The following ATP11A variants were observed in gnomAD, a reference collection of about 807,000 sequenced individuals.
ATP11A encodes ATPase phospholipid transporting 11A, also known as phospholipid-transporting ATPase IH.
In ATP11A, 81 loss-of-function variants were observed where a neutral mutation model predicts 154.4. The observed-to-expected ratio is 0.52, with a 90% confidence interval of 0.44 to 0.63. The LOEUF (loss-of-function observed/expected upper bound fraction) is 0.63. Ranked by LOEUF, ATP11A falls within the 30% of genes least tolerant of loss-of-function variation. The pLI is 0.00. For synonymous variants in ATP11A, 623 were observed against 585.9 expected, an observed-to-expected ratio of 1.06 and a Z score of -0.91; for missense variants, 1,316 against 1,474.3, an observed-to-expected ratio of 0.89 and a Z score of 1.76.
chr13:112,857,466 C>T (rs2079962545), intron 20 of ATP11A, among the ~76,000 whole-genome samples: 1 of 152,264 alleles, frequency 6.6e-6, no homozygotes, highest in African/African-American at 2.4e-5. Flanking sequence ...AATATATTTT[C>T]CCAGGATTTA....
intron 1 of ATP11A, among the ~76,000 whole-genome samples, chr13:112,713,750 G>A (rs969087149): frequency 6.6e-6 from 1 of 152,130 alleles, no homozygotes; most frequent in African/African-American, 2.4e-5. Flanking sequence ...TGTTGATAAG[G>A]ATAAAATGAA....
intron 4 of ATP11A, among the ~76,000 whole-genome samples, chr13:112,806,887 T>C (rs1005432310): frequency 1.3e-5 from 2 of 152,230 alleles, no homozygotes; most frequent in African/African-American, 2.4e-5. Context: ...TCACGGCTCA[T>C]AGGCGGTGTT....
intron 28 of ATP11A, among the ~76,000 whole-genome samples, chr13:112,876,785 G>A (rs2080740307): frequency 6.6e-6 from 1 of 152,160 alleles, no homozygotes; most frequent in African/African-American, 2.4e-5. Flanking sequence ...GGAGTGAGTG[G>A]GGGCCGGGGC....
intron 1 of ATP11A, among the ~76,000 whole-genome samples, chr13:112,735,751 C>CA (rs1890933886): frequency 6.6e-6 from 1 of 152,218 alleles, no homozygotes; most frequent in Non-Finnish European, 1.5e-5. Flanking sequence ...GAGTTGAACT[C>CA]ACCAGCCATT....
intron 1 of ATP11A, among the ~76,000 whole-genome samples, chr13:112,704,476 C>G (rs369503171): frequency 6.6e-6 from 1 of 152,236 alleles, no homozygotes; most frequent in Non-Finnish European, 1.5e-5. Flanking sequence ...GCTCTGCCCC[C>G]GCGTTGTCTT....
At chr13:112,801,072 A>G (rs1045107732) in intron 2 of ATP11A, among the ~76,000 whole-genome samples, 1 of 151,910 alleles carries the variant, frequency 6.6e-6, no homozygotes, top group African/African-American at 2.4e-5. Flanking sequence ...TCACCCTAAG[A>G]TTGGAAAAAA....
At position 112,696,821 on chromosome 13, in the gene ATP11A, GAC is replaced by G. The variant is rs1885878037; in HGVS notation, c.39+6369_39+6370del. 2 of 152,290 alleles carry G rather than the reference GAC, an allele frequency of 1.3e-5. No individual in the cohort carries two copies. Among genetic ancestry groups the G allele is most frequent in the African/African-American group, 2.4e-5 (1 of 41,440 alleles). 9.4% of individuals were successfully genotyped at this position (152,290 alleles called of 1,614,324 possible). ...TAGCGAGCGCCCCTGTGTGCTCAGA[GAC>G]ACGCCAGTGAGCCGGGAAGGACAGA... On this transcript the variant is annotated intron_variant, in intron 1 of 29. Transcript: ENST00000375645. The surrounding 1 kb of genome is among the most constrained non-coding windows in gnomAD (Gnocchi z 6.2).
rs192145588 is a variant in ATP11A at position 112,760,360 on chromosome 13, G to A, written c.40-24775G>A. 2.2e-3 allele frequency among the ~76,000 whole-genome samples: 329 copies of A among 152,286 alleles called. 1 individual carries two copies. Among genetic ancestry groups the A allele is most frequent in the Non-Finnish European group, 3.4e-3 (232 of 68,026 alleles). On this transcript the variant is annotated intron_variant, in intron 1 of 29. Coordinates refer to ENST00000375645, the MANE Select transcript of ATP11A (RefSeq NM_015205.3). ...CGAGTCCAGTGTGGGTGGCAGAGAC[G>A]CATCCAGAAGCCCCCAGTAAGTTTA... is the stretch of plus-strand genomic sequence containing the variant.
intron 2 of ATP11A, among the ~76,000 whole-genome samples, chr13:112,802,233 T>C (rs1388811916): frequency 6.6e-6 from 1 of 151,670 alleles, no homozygotes; most frequent in Non-Finnish European, 1.5e-5. Flanking sequence ...GTAGTCCCAA[T>C]TACTCAGGAG....
intron 18 of ATP11A, among the ~76,000 whole-genome samples, chr13:112,852,452 C>T (rs892706690): frequency 3.9e-5 from 6 of 152,206 alleles, no homozygotes; most frequent in Admixed American, 3.9e-4. Context: ...CCTGTTCAGT[C>T]CAGAGTAAGT....
At chr13:112,723,024 A>G (rs1444472895) in intron 1 of ATP11A, among the ~76,000 whole-genome samples, 2 of 152,086 alleles carry the variant, frequency 1.3e-5, no homozygotes, top group African/African-American at 4.8e-5. Flanking sequence ...AGTCAACAGA[A>G]AGGAATGTTT....
At chr13:112,723,293 T>TCCCCC (rs1315332766) in intron 1 of ATP11A, among the ~76,000 whole-genome samples, 1 of 18,892 alleles carries the variant, frequency 5.3e-5, no homozygotes, top group Non-Finnish European at 1.0e-4. Flanking sequence ...GTTCCCCACC[T>TCCCCC]CCCCCCGCCC....
chr13:112,850,489 T>G (rs1181088080), intron 17 of ATP11A, among the ~76,000 whole-genome samples: 12 of 152,240 alleles, frequency 7.9e-5, no homozygotes, highest in Admixed American at 7.9e-4. Flanking sequence ...ATGATCACAG[T>G]AAGGAATTTG....
intron 18 of ATP11A, 99 bp downstream of exon 18, chr13:112,851,317 G>T (rs905805591): frequency 1.2e-5 from 15 of 1,225,968 alleles, no homozygotes; most frequent in Non-Finnish European, 1.5e-5. Flanking sequence ...GAGGCCATCC[G>T]CACAGCCGAC....
Position 112,883,486 on chromosome 13 carries a change from G to T in ATP11A, c.*1620G>T. 2 of 331,202 alleles carry T rather than the reference G, an allele frequency of 6.0e-6. No individual in the cohort carries two copies. The highest frequency in any genetic ancestry group is 1.1e-5 in the Non-Finnish European group (2 of 183,806). The allele number at this position is 331,202 out of a possible 1,614,324, so 20.5% of individuals were successfully genotyped here. ...GGCTCCGGCAAGTGAAACCCAGAGG[G>T]TGTTTCCGAGGTGCTCGACAGTAGG... On this transcript the variant is annotated 3_prime_UTR_variant, in exon 30 of 30. Coordinates refer to ENST00000375645, the MANE Select transcript of ATP11A (RefSeq NM_015205.3).
At chr13:112,764,753 C>A (rs2077035707) in intron 1 of ATP11A, among the ~76,000 whole-genome samples, 1 of 152,184 alleles carries the variant, frequency 6.6e-6, no homozygotes, top group Non-Finnish European at 1.5e-5. Context: ...GCTGGAAGTG[C>A]AGAGTCCTGC....
At chr13:112,803,277 T>C (rs567712345) in intron 2 of ATP11A, among the ~76,000 whole-genome samples, 8 of 152,338 alleles carry the variant, frequency 5.3e-5, no homozygotes, top group African/African-American at 1.9e-4. Context: ...TGTTGGTTAG[T>C]TTAGGACCAT....
chr13:112,734,429 G>A (rs1185826648), intron 1 of ATP11A, among the ~76,000 whole-genome samples: 1 of 152,170 alleles, frequency 6.6e-6, no homozygotes, highest in Non-Finnish European at 1.5e-5. Flanking sequence ...TAAGACAGGA[G>A]TGAAATTTCT....
At chr13:112,824,987 A>G (rs946834996) in intron 10 of ATP11A, among the ~76,000 whole-genome samples, 2 of 152,100 alleles carry the variant, frequency 1.3e-5, no homozygotes, top group African/African-American at 4.8e-5. Context: ...AGAGTTATTT[A>G]CTTTTCTCCC....
Sources: allele counts gnomAD v4.1 joint callset (sites outside exome capture counted in the v4.1 genomes callset), GRCh38; gene constraint gnomAD v4.1.1; non-coding constraint Gnocchi (gnomAD v3.1); transcripts MANE v1.5; gene names NCBI Gene and HGNC (gene_info 2026-07-23, HGNC 2026-07-21).